SEMA5B: variants seen among roughly 807,000 people sequenced by gnomAD.
SEMA5B encodes semaphorin-5B.
A neutral mutation model predicts 135.0 loss-of-function variants in SEMA5B; 66 were observed. The observed-to-expected ratio is 0.49, with a 90% CI of 0.40 to 0.60. SEMA5B has a LOEUF of 0.60. SEMA5B is among the 20% of genes least tolerant of loss of function. The pLI is 0.00. For missense variants in SEMA5B, 1,501 were observed against 1,566.3 expected, an observed-to-expected ratio of 0.96 and a Z score of 0.70; for synonymous variants, 690 against 639.5, an observed-to-expected ratio of 1.08 and a Z score of -1.19.
intron 1 of SEMA5B, among the ~76,000 whole-genome samples, chr3:122,974,295 C>T (rs1941234529): frequency 6.6e-6 from 1 of 152,350 alleles, no homozygotes; most frequent in South Asian, 2.1e-4. Flanking sequence ...CCCCTCGCTC[C>T]TGCACACACA....
chr3:122,989,082 C>G (rs559804358), intron 1 of SEMA5B, among the ~76,000 whole-genome samples: 1 of 152,236 alleles, frequency 6.6e-6, no homozygotes, highest in African/African-American at 2.4e-5. Flanking sequence ...CTACATCTTT[C>G]TCACTGCTCC....
In SEMA5B at chr3:122,951,677, A is replaced by G. The variant is rs533327238; in HGVS notation, c.125-2968T>C. ...GGTTGAACTAGATTAGGGATCCCTG[A>G]CAGGAGCTGGGGTGAATCAGAATCA... On this transcript the variant is annotated intron_variant, in intron 2 of 22. Coordinates refer to ENST00000357599, the MANE Select transcript of SEMA5B (RefSeq NM_001031702.4). Among the ~76,000 whole-genome samples the G allele has an allele frequency of 3.3e-5, 5 of 152,358 alleles. No individual in the cohort carries two copies. The East Asian group carries it at 9.6e-4, about 29-fold the overall frequency.
chr3:122,949,320 G>GA (rs1445017684), intron 2 of SEMA5B, among the ~76,000 whole-genome samples: 2 of 152,088 alleles, frequency 1.3e-5, no homozygotes, highest in South Asian at 2.1e-4. Context: ...TGACAAACTA[G>GA]AAAAAATATT....
At chr3:122,983,439 T>A (rs1941591753) in intron 1 of SEMA5B, among the ~76,000 whole-genome samples, 1 of 151,660 alleles carries the variant, frequency 6.6e-6, no homozygotes, top group Non-Finnish European at 1.5e-5. Context: ...GCACAATAAA[T>A]CATCCGCGGG....
chr3:122,911,911 G>C lies in SEMA5B; in HGVS notation c.3046+9C>G, dbSNP rs763046545. The C allele has an allele frequency of 1.3e-6, 2 of 1,590,970 alleles. No individual in the cohort carries two copies. The highest frequency in any genetic ancestry group is 1.7e-6 in the Non-Finnish European group (2 of 1,164,692). ...GGGTTGCTGCGCAGGTGCTGGCAGG[G>C]GTACCTACCGGGAATCTCGCTGTAG... is the stretch of plus-strand genomic sequence containing the variant. On this transcript the variant is annotated intron_variant, in intron 20 of 22. Coordinates refer to ENST00000357599, the MANE Select transcript of SEMA5B (RefSeq NM_001031702.4).
intron 1 of SEMA5B, among the ~76,000 whole-genome samples, chr3:122,962,308 A>C (rs981190059): frequency 1.3e-5 from 2 of 152,252 alleles, no homozygotes; most frequent in Admixed American, 6.5e-5. Context: ...AAGGAGTAGC[A>C]GCCAGCAAAT....
rs73856749 is a variant in SEMA5B at position 122,923,264 on chromosome 3, G to A, written c.1272+353C>T. On this transcript the variant is annotated intron_variant, in intron 10 of 22. Coordinates refer to ENST00000357599, the MANE Select transcript of SEMA5B (RefSeq NM_001031702.4). ...TTAGTACCCATGTTGAACACACTGC[G>A]AGAAAGCTCTGCTTAACATTCCCAA... 4.8e-3 allele frequency among the ~76,000 whole-genome samples: 729 copies of A among 152,306 alleles called. 3 individuals are homozygous for A. The highest frequency in any genetic ancestry group is 0.017 in the African/African-American group (692 of 41,564).
At chr3:122,960,689 C>T (rs373319499) in intron 2 of SEMA5B, among the ~76,000 whole-genome samples, 27 of 152,162 alleles carry the variant, frequency 1.8e-4, no homozygotes, top group Non-Finnish European at 3.2e-4. Context: ...ATGGCCCTTG[C>T]GGACATTATG....
At chr3:122,914,046 T>C in intron 14 of SEMA5B, 45 bp from the exon 15 acceptor site, 1 of 1,519,424 alleles carries the variant, frequency 6.6e-7, no homozygotes, top group Non-Finnish European at 8.8e-7. Flanking sequence ...CTCTGAGCCC[T>C]AGCTTCTTAG....
At chr3:122,952,008 C>T (rs576005525) in intron 2 of SEMA5B, among the ~76,000 whole-genome samples, 1 of 152,304 alleles carries the variant, frequency 6.6e-6, no homozygotes, top group Non-Finnish European at 1.5e-5. Flanking sequence ...CCAGAGCACC[C>T]AACTGACCCC....
chr3:122,936,358 G>A (rs1939286341), intron 5 of SEMA5B, among the ~76,000 whole-genome samples: 1 of 152,216 alleles, frequency 6.6e-6, no homozygotes, highest in African/African-American at 2.4e-5. Flanking sequence ...TAAGTCCACT[G>A]CTCTGTGGAG....
At chr3:122,973,127 T>C (rs1324752099) in intron 1 of SEMA5B, among the ~76,000 whole-genome samples, 1 of 152,118 alleles carries the variant, frequency 6.6e-6, no homozygotes, top group East Asian at 1.9e-4. Context: ...CTCATAATAC[T>C]CTCTTTGGGG....
chr3:122,915,758 C>T lies in SEMA5B; in HGVS notation c.1806+15G>A. The T allele has an allele frequency of 1.2e-6, 2 of 1,612,742 alleles. No individual in the cohort carries two copies. Among genetic ancestry groups the T allele is most frequent in the Non-Finnish European group, 1.7e-6 (2 of 1,178,756 alleles). On this transcript the variant is annotated intron_variant, in intron 13 of 22. Transcript: ENST00000357599. ...AGGAGGGGTCTGAGATGGGAGGACA[C>T]AAGGGGATTCTCACAGGACAGGCGG...
intron 17 of SEMA5B, 68 bp downstream of exon 17, chr3:122,913,131 C>T: frequency 7.0e-7 from 1 of 1,424,780 alleles, no homozygotes; most frequent in Non-Finnish European, 9.1e-7. Context: ...CTCCCCGGGG[C>T]TCCCGCCCCC....
At position 122,912,906 on chromosome 3, in the gene SEMA5B, C is replaced by G. The variant is rs78490011; in HGVS notation, c.2662G>C (p.Gly888Arg). The change falls in exon 18 of 23, where the codon GGG (glycine) becomes CGG (arginine). Residue 888 changes from glycine (G) to arginine (R), a missense_variant. Physicochemically the swap from Gly to Arg is moderately radical, Grantham distance 125. Coordinates refer to ENST00000357599, the MANE Select transcript of SEMA5B (RefSeq NM_001031702.4). ...RTCTNPEPRN[G>R]GLPCVGDAAE... The stretch of plus-strand genomic sequence containing the variant: ...GCATCGCCCACGCAGGGCAGGCCCC[C>G]GTTGCGGGGCTCCGGGTTAGTGCAC... The G allele has an allele frequency of 1.8e-3, 2,947 of 1,611,360 alleles. 61 individuals are homozygous for G. The African/African-American group carries it at 0.032, about 18-fold the overall frequency.
rs1938028211 is a variant in SEMA5B at position 122,915,598 on chromosome 3, C to G, written c.1830G>C (p.Gly610=). 3 of 1,612,954 alleles carry G rather than the reference C, an allele frequency of 1.9e-6. No individual in the cohort carries two copies. Among genetic ancestry groups the G allele is most frequent in the Admixed American group, 1.7e-5 (1 of 59,930 alleles). ...GCCATGGTGACCATGGGCCGAAGCC[C>G]CCATCCCGTGTCACATTCCGCACCT... is the stretch of plus-strand genomic sequence containing the variant. The part of the protein sequence containing the change: ...ACPVRNVTRD[G]GFGPWSPWQP... The change falls in exon 14 of 23, where the codon GGG becomes GGC. Residue 610 remains glycine (G), a synonymous_variant. Coordinates refer to ENST00000357599, the MANE Select transcript of SEMA5B (RefSeq NM_001031702.4).
At chr3:123,004,410 G>A (rs1409015961) in intron 1 of SEMA5B, among the ~76,000 whole-genome samples, 1 of 152,192 alleles carries the variant, frequency 6.6e-6, no homozygotes, top group Admixed American at 6.5e-5. Flanking sequence ...ACACCCCACT[G>A]AATCAGAGCC....
In SEMA5B at chr3:122,927,948, T is replaced by C. The variant is rs749839807; in HGVS notation, c.692A>G (p.Tyr231Cys). The C allele has an allele frequency of 1.0e-5, 16 of 1,581,418 alleles. No homozygotes were observed. Among genetic ancestry groups the C allele is most frequent in the African/African-American group, 1.4e-5 (1 of 73,488 alleles). Residue 231 changes from tyrosine to cysteine, a missense_variant, in exon 8 of 23, where the codon TAT (tyrosine) becomes TGT (cysteine). Physicochemically the swap from Tyr to Cys is radical, Grantham distance 194. Around this residue, in one of 2 missense-constraint regions of SEMA5B, gnomAD observed 574 missense variants for 684.7 expected, o/e 0.84. Coordinates refer to ENST00000357599, the MANE Select transcript of SEMA5B (RefSeq NM_001031702.4). The stretch of plus-strand genomic sequence containing the variant: ...AGCTGTGGAGTTGTGGCGTGGGTCA[T>C]AGGGGCAGCGGGCCACACCATTGAT... ...EKINGVARCP[Y>C]DPRHNSTAVI...
Position 122,966,071 on chromosome 3 carries a change from C to A in SEMA5B, c.-38-4770G>T, listed in dbSNP as rs548211093. Among the ~76,000 whole-genome samples, 11 of 152,310 alleles carry A rather than the reference C, an allele frequency of 7.2e-5. No individual in the cohort carries two copies. In the East Asian group the frequency reaches 1.9e-3, roughly 27 times the overall value. ...AACTTGAATCTCTCTGATTCCAGAC[C>A]CTTCTCAGAAGGCCATGCTGGAACA... is the stretch of plus-strand genomic sequence containing the variant. On this transcript the variant is annotated intron_variant, in intron 1 of 22. Transcript: ENST00000357599.
Sources: gnomAD v4.1 joint callset for allele counts (sites outside exome capture counted in the v4.1 genomes callset) on GRCh38, gnomAD v4.1.1 for gene constraint, gnomAD v4.1.1 regional missense constraint, MANE v1.5 for transcripts, NCBI Gene and HGNC (gene_info 2026-07-23, HGNC 2026-07-21) for gene names.